ZBTB7C: variants seen among roughly 807,000 people sequenced by gnomAD.
ZBTB7C encodes zinc finger and BTB domain containing 7C, also known as zinc finger and BTB domain-containing protein 7C.
In ZBTB7C, 8 loss-of-function variants were observed where a neutral mutation model predicts 25.7. That is an observed-to-expected ratio of 0.31 (90% CI 0.18 to 0.56). ZBTB7C has a LOEUF of 0.56. Among genes scored for constraint, ZBTB7C ranks in the 20% least tolerant of loss-of-function variants. ZBTB7C has a pLI of 0.91. For missense variants in ZBTB7C, 824 were observed against 855.2 expected (o/e 0.96, Z 0.46); for synonymous variants, 394 against 369.0 (o/e 1.07, Z -0.78).
At chr18:48,407,479 C>T (rs1213876985) in intron 1 of ZBTB7C, among the ~76,000 whole-genome samples, 1 of 152,140 alleles carries the variant, frequency 6.6e-6, no homozygotes, top group Non-Finnish European at 1.5e-5. Context: ...TAGAAAGTAC[C>T]AGATAAAGAG....
chr18:48,264,416 G>A (rs2044254153), intron 2 of ZBTB7C, among the ~76,000 whole-genome samples: 1 of 152,184 alleles, frequency 6.6e-6, no homozygotes, highest in Non-Finnish European at 1.5e-5. Flanking sequence ...CATCCTCACA[G>A]ATGCAGCTAG....
chr18:48,233,286 G>A (rs1441069375), intron 2 of ZBTB7C, among the ~76,000 whole-genome samples: 1 of 152,094 alleles, frequency 6.6e-6, no homozygotes, highest in Non-Finnish European at 1.5e-5. Flanking sequence ...CAGCAAGAAG[G>A]TCCTTGCAAG....
At chr18:48,322,190 G>A (rs1251471848) in intron 2 of ZBTB7C, among the ~76,000 whole-genome samples, 5 of 152,132 alleles carry the variant, frequency 3.3e-5, no homozygotes, top group South Asian at 4.1e-4. Flanking sequence ...CTTGCCCATA[G>A]CCCTCCTATA....
At chr18:48,216,546 C>T (rs1035256480) in intron 2 of ZBTB7C, among the ~76,000 whole-genome samples, 2 of 152,182 alleles carry the variant, frequency 1.3e-5, no homozygotes, top group African/African-American at 4.8e-5. Context: ...GTGGCATACA[C>T]TGACGAGTCC....
chr18:48,228,044 G>A (rs903051636), intron 2 of ZBTB7C, among the ~76,000 whole-genome samples: 3 of 152,194 alleles, frequency 2.0e-5, no homozygotes, highest in Admixed American at 6.5e-5. Context: ...AGGTGATGGA[G>A]AGGCCGCCCC....
chr18:48,098,073 A>G (rs2144594622), intron 3 of ZBTB7C, among the ~76,000 whole-genome samples: 1 of 152,308 alleles, frequency 6.6e-6, no homozygotes, highest in East Asian at 1.9e-4. Flanking sequence ...AAACAAAGAA[A>G]CAAAACCCCC....
At chr18:48,132,549 A>G (rs2040019021) in intron 3 of ZBTB7C, among the ~76,000 whole-genome samples, 1 of 152,258 alleles carries the variant, frequency 6.6e-6, no homozygotes, top group Non-Finnish European at 1.5e-5. Flanking sequence ...TACACTTTAA[A>G]TGGGTGGATT....
intron 2 of ZBTB7C, among the ~76,000 whole-genome samples, chr18:48,207,206 A>G (rs187366706): frequency 3.9e-5 from 6 of 152,356 alleles, no homozygotes; most frequent in African/African-American, 1.4e-4. Context: ...CTCTTCAATG[A>G]CAGTCAAGAG....
intron 1 of ZBTB7C, among the ~76,000 whole-genome samples, chr18:48,389,061 C>T (rs2145245195): frequency 6.6e-6 from 1 of 152,324 alleles, no homozygotes; most frequent in Middle Eastern, 3.4e-3. Context: ...TGAGTCATCA[C>T]ACTTTCTAAA....
At chr18:48,126,148 G>A (rs893420128) in intron 3 of ZBTB7C, among the ~76,000 whole-genome samples, 4 of 151,922 alleles carry the variant, frequency 2.6e-5, no homozygotes, top group Admixed American at 2.6e-4. Context: ...TACCTCTCAG[G>A]CTGACTTTCC....
intron 1 of ZBTB7C, among the ~76,000 whole-genome samples, chr18:48,343,600 A>G (rs958307485): frequency 1.3e-5 from 2 of 152,130 alleles, no homozygotes; most frequent in African/African-American, 2.4e-5. Flanking sequence ...ACCACCTATC[A>G]GCTGTGTGAC....
intron 4 of ZBTB7C, among the ~76,000 whole-genome samples, chr18:48,034,367 C>T (rs571811791): frequency 6.6e-6 from 1 of 152,112 alleles, no homozygotes; most frequent in Non-Finnish European, 1.5e-5. Flanking sequence ...GCACAGCCCA[C>T]CACATTACAG....
intron 2 of ZBTB7C, among the ~76,000 whole-genome samples, chr18:48,285,121 T>C (rs1463771673): frequency 3.9e-5 from 6 of 152,210 alleles, no homozygotes; most frequent in African/African-American, 1.2e-4. Context: ...ATTTGCAGGG[T>C]GCAGGGTAAT....
intron 3 of ZBTB7C, among the ~76,000 whole-genome samples, chr18:48,067,594 C>T (rs781140748): frequency 5.0e-4 from 76 of 152,320 alleles, no homozygotes; most frequent in Non-Finnish European, 6.0e-4. Flanking sequence ...GAAGAGGTAA[C>T]TCTGTCCCCA....
rs181411433 is a variant in ZBTB7C, at chr18:48,307,855, A to G, written c.-79+30319T>C. ...GAGCGAAACTCCACCTCATAAATAA[A>G]TAAATAAATAAATAAATTGTACTTT... On this transcript the variant is annotated intron_variant, in intron 2 of 4. Coordinates refer to ENST00000590800, the MANE Select transcript of ZBTB7C (RefSeq NM_001318841.2). Among the ~76,000 whole-genome samples the G allele has an allele frequency of 1.2e-4, 19 of 152,276 alleles. No individual in the cohort carries two copies. In the East Asian group the frequency reaches 3.7e-3, roughly 29 times the overall value.
intron 3 of ZBTB7C, among the ~76,000 whole-genome samples, chr18:48,075,480 A>G (rs1022038812): frequency 6.6e-6 from 1 of 152,206 alleles, no homozygotes; most frequent in Non-Finnish European, 1.5e-5. Context: ...TGATGCCTGG[A>G]GTTCCAGGAA....
intron 2 of ZBTB7C, among the ~76,000 whole-genome samples, chr18:48,288,418 C>T (rs561709736): frequency 7.3e-5 from 11 of 151,198 alleles, no homozygotes; most frequent in African/African-American, 2.4e-4. Flanking sequence ...GAGGCCAAAC[C>T]GGGTGGATCA....
At chr18:48,330,907 C>T (rs971188929) in intron 2 of ZBTB7C, among the ~76,000 whole-genome samples, 1 of 152,112 alleles carries the variant, frequency 6.6e-6, no homozygotes. Context: ...AGAATGTGGG[C>T]GTGCGGAGGC....
intron 2 of ZBTB7C, among the ~76,000 whole-genome samples, chr18:48,318,223 A>C (rs1348713772): frequency 1.3e-5 from 2 of 152,066 alleles, no homozygotes; most frequent in African/African-American, 4.8e-5. Context: ...ACAAAAAAAA[A>C]ACCTAAAAAA....
Sources: gnomAD v4.1 joint callset for allele counts (sites outside exome capture counted in the v4.1 genomes callset) on GRCh38, gnomAD v4.1.1 for gene constraint, MANE v1.5 for transcripts, NCBI Gene and HGNC (gene_info 2026-07-23, HGNC 2026-07-21) for gene names.